Variants in PIEZO2 observed in about 807,000 individuals in gnomAD.
PIEZO2 encodes piezo type mechanosensitive ion channel component 2, also known as piezo-type mechanosensitive ion channel component 2.
Under a neutral mutation model 337.3 loss-of-function variants are expected in PIEZO2, and 172 were observed. The ratio of observed to expected loss-of-function variants is 0.51; its 90% CI spans 0.45 to 0.58. The LOEUF (loss-of-function observed/expected upper bound fraction) is 0.58, where lower values mean the gene tolerates loss of function less well. PIEZO2 is among the 20% of genes least tolerant of loss of function. PIEZO2 has a pLI of 0.00. For missense variants in PIEZO2, 3,028 were observed against 3,391.3 expected, an observed-to-expected ratio of 0.89 and a Z score of 2.66; for synonymous variants, 1,251 against 1,228.5, an observed-to-expected ratio of 1.02 and a Z score of -0.38.
chr18:10,915,628 A>C (rs2030875959), intron 3 of PIEZO2, among the ~76,000 whole-genome samples: 1 of 152,154 alleles, frequency 6.6e-6, no homozygotes, highest in Non-Finnish European at 1.5e-5. Flanking sequence ...CCTATATATT[A>C]GCTAACTTAA....
intron 44 of PIEZO2, 29 bp from the exon 45 acceptor site, chr18:10,697,909 G>T: frequency 6.3e-7 from 1 of 1,583,000 alleles, no homozygotes; most frequent in Non-Finnish European, 8.6e-7. Flanking sequence ...CATAAGATGG[G>T]TGGTGGAGCC....
chr18:10,725,033 T>C (rs2036474799), intron 36 of PIEZO2: 1 of 1,582,668 alleles, frequency 6.3e-7, no homozygotes, highest in African/African-American at 1.3e-5. Flanking sequence ...AGCCCCTGCA[T>C]GTTGGTGGCC....
intron 7 of PIEZO2, among the ~76,000 whole-genome samples, chr18:10,841,391 T>C (rs575088672): frequency 3.2e-4 from 48 of 152,158 alleles, no homozygotes; most frequent in African/African-American, 1.1e-3. Flanking sequence ...ATGTAGCTTG[T>C]AGTTGAGCCA....
chr18:11,019,831 A>G (rs2036249330), intron 2 of PIEZO2, among the ~76,000 whole-genome samples: 2 of 152,122 alleles, frequency 1.3e-5, no homozygotes, highest in African/African-American at 4.8e-5. Context: ...TAATAGTACT[A>G]ATGACAATCT....
At chr18:10,749,028 G>A (rs2037538918) in intron 29 of PIEZO2, among the ~76,000 whole-genome samples, 1 of 152,116 alleles carries the variant, frequency 6.6e-6, no homozygotes, top group African/African-American at 2.4e-5. Flanking sequence ...GGGGTAACCA[G>A]CAGAATAATG....
rs1053600855 is a variant in PIEZO2, at chr18:10,929,975, C to T, written c.287-18747G>A. Among the ~76,000 whole-genome samples, 1 of 152,126 alleles carries T rather than the reference C, an allele frequency of 6.6e-6. No homozygotes were observed. The highest frequency in any genetic ancestry group is 2.4e-5 in the African/African-American group (1 of 41,424). On this transcript the variant is annotated intron_variant, in intron 3 of 55. Transcript: ENST00000674853. This position sits in a 1 kb window ranked among gnomAD's most constrained non-coding sequence, Gnocchi z 5.6. ...TCTTTCCTTTGGAGTTGAGGCACCACGGACCAGCATTAACATTAAAACAGA... is the reference window on the plus strand; with the variant it reads ...TCTTTCCTTTGGAGTTGAGGCACCATGGACCAGCATTAACATTAAAACAGA...
At chr18:10,852,542 A>G (rs1016049196) in intron 7 of PIEZO2, among the ~76,000 whole-genome samples, 1 of 152,262 alleles carries the variant, frequency 6.6e-6, no homozygotes, top group Non-Finnish European at 1.5e-5. Context: ...AATTTTACAC[A>G]TAAATCAATC....
Position 11,031,934 on chromosome 18 carries a change from AC to A in PIEZO2, c.160+34192del, listed in dbSNP as rs1367352610. ...CACCATCACATTTCCAAGATACGAG[AC>A]AAAACTCGTTCTCTCTCTGTCTTTC... On this transcript the variant is annotated intron_variant, in intron 2 of 55. Transcript: ENST00000674853. This position sits in a 1 kb window ranked among gnomAD's most constrained non-coding sequence, Gnocchi z 4.7. Among the ~76,000 whole-genome samples, 1 of 152,156 alleles carries A rather than the reference AC, an allele frequency of 6.6e-6. No individual in the cohort carries two copies. Among genetic ancestry groups the A allele is most frequent in the Non-Finnish European group, 1.5e-5 (1 of 68,040 alleles).
At chr18:10,699,310 C>A in intron 43 of PIEZO2, 133 bp from the exon 44 acceptor site, 1 of 1,211,744 alleles carries the variant, frequency 8.3e-7, no homozygotes, top group South Asian at 1.5e-5. Context: ...TTGGCTGTGT[C>A]CCCATATCTC....
chr18:11,095,047 C>T (rs2039224192), intron 1 of PIEZO2, among the ~76,000 whole-genome samples: 1 of 152,228 alleles, frequency 6.6e-6, no homozygotes, highest in Non-Finnish European at 1.5e-5. Context: ...GCAAAGCTTG[C>T]CCCACATCAA....
intron 33 of PIEZO2, chr18:10,738,440 C>G (rs1225936981): frequency 6.6e-6 from 1 of 151,940 alleles, no homozygotes; most frequent in South Asian, 2.1e-4. Context: ...TTAGAAACCA[C>G]CAATATTTAT....
At chr18:10,869,393 C>T (rs1201025228) in intron 5 of PIEZO2, among the ~76,000 whole-genome samples, 1 of 152,162 alleles carries the variant, frequency 6.6e-6, no homozygotes, top group Non-Finnish European at 1.5e-5. Flanking sequence ...TTGCAGCAAA[C>T]CACCATGGCA....
intron 2 of PIEZO2, among the ~76,000 whole-genome samples, chr18:11,030,949 T>C (rs919413616): frequency 1.3e-5 from 2 of 152,172 alleles, no homozygotes; most frequent in African/African-American, 4.8e-5. Context: ...CAAAGCAATC[T>C]CGAGTAGTCC....
chr18:10,729,907 A>G (rs917820355), intron 36 of PIEZO2, among the ~76,000 whole-genome samples: 4 of 152,230 alleles, frequency 2.6e-5, no homozygotes, highest in African/African-American at 9.6e-5. Context: ...ATTGTTCTCC[A>G]TACCAGCTCA....
At chr18:10,995,753 C>G (rs2145580159) in intron 2 of PIEZO2, among the ~76,000 whole-genome samples, 1 of 152,250 alleles carries the variant, frequency 6.6e-6, no homozygotes, top group South Asian at 2.1e-4. Context: ...TGACTGTGTT[C>G]ACCCCTGCCC....
At chr18:11,017,554 C>A (rs1157252693) in intron 2 of PIEZO2, among the ~76,000 whole-genome samples, 1 of 149,946 alleles carries the variant, frequency 6.7e-6, no homozygotes, top group Non-Finnish European at 1.5e-5. Context: ...CTATTTCAAT[C>A]ATTCCAGGGA....
At position 10,861,358 on chromosome 18, in the gene PIEZO2, T is replaced by C. The variant is rs973989774; in HGVS notation, c.493-4147A>G. On this transcript the variant is annotated intron_variant, in intron 5 of 55. Transcript: ENST00000674853. This position sits in a 1 kb window ranked among gnomAD's most constrained non-coding sequence, Gnocchi z 4.3. The stretch of plus-strand genomic sequence containing the variant: ...AAATGATTATACAGATTATTGACCA[T>C]GTCAAAATCTAAAACTTATTTAAAG... 2.0e-5 allele frequency among the ~76,000 whole-genome samples: 3 copies of C among 152,254 alleles called. No individual in the cohort carries two copies. Among genetic ancestry groups the C allele is most frequent in the Non-Finnish European group, 4.4e-5 (3 of 68,038 alleles).
chr18:10,895,317 G>A lies in PIEZO2; in HGVS notation c.329+15869C>T, dbSNP rs189696772. ...AAAAATTAGCTGGGTATGTTGGTGC[G>A]CACCTGTAATAACAGCTACTCGGGA... On this transcript the variant is annotated intron_variant, in intron 4 of 55. Coordinates refer to ENST00000674853, the MANE Select transcript of PIEZO2 (RefSeq NM_001378183.1). This position sits in a 1 kb window ranked among gnomAD's most constrained non-coding sequence, Gnocchi z 4.8. Among the ~76,000 whole-genome samples the A allele has an allele frequency of 1.5e-3, 222 of 152,124 alleles. 1 individual carries two copies. The highest frequency in any genetic ancestry group is 5.2e-3 in the African/African-American group (217 of 41,500).
rs559928276 is a variant in PIEZO2 at position 10,766,100 on chromosome 18, A to G, written c.2947-3002T>C. Reference sequence around the variant, plus strand: ...AAGTATGATACTTCATTCCATACAAATATCAAGCCCAGTGCAAACCTCAGT... The same window carrying G: ...AAGTATGATACTTCATTCCATACAAGTATCAAGCCCAGTGCAAACCTCAGT... On this transcript the variant is annotated intron_variant, in intron 21 of 55. Coordinates refer to ENST00000674853, the MANE Select transcript of PIEZO2 (RefSeq NM_001378183.1). This position sits in a 1 kb window ranked among gnomAD's most constrained non-coding sequence, Gnocchi z 6.1. Among the ~76,000 whole-genome samples, 4 of 152,254 alleles carry G rather than the reference A, an allele frequency of 2.6e-5. No homozygotes were observed. Among genetic ancestry groups the G allele is most frequent in the South Asian group, 2.1e-4 (1 of 4,826 alleles).
Sources: gnomAD v4.1 joint callset for allele counts (sites outside exome capture counted in the v4.1 genomes callset) on GRCh38, gnomAD v4.1.1 for gene constraint, Gnocchi (gnomAD v3.1) non-coding constraint, MANE v1.5 for transcripts, NCBI Gene and HGNC (gene_info 2026-07-23, HGNC 2026-07-21) for gene names.